SLC37A1: variants seen among roughly 807,000 people sequenced by gnomAD.
SLC37A1 encodes the protein solute carrier family 37 member 1.
In SLC37A1, 49 loss-of-function variants were observed where a neutral mutation model predicts 75.3. The ratio of observed to expected loss-of-function variants is 0.65; its 90% CI spans 0.52 to 0.83. The LOEUF (loss-of-function observed/expected upper bound fraction) is 0.83, where lower values mean the gene tolerates loss of function less well. SLC37A1 is among the 40% of genes least tolerant of loss of function. SLC37A1 has a pLI of 0.00. For synonymous variants in SLC37A1, 268 were observed against 292.1 expected (o/e 0.92, Z 0.84); for missense variants, 566 against 695.0 (o/e 0.81, Z 2.09).
intron 11 of SLC37A1, among the ~76,000 whole-genome samples, chr21:42,559,653 A>G (rs1019854887): frequency 3.3e-5 from 5 of 152,246 alleles, no homozygotes; most frequent in African/African-American, 1.2e-4. Flanking sequence ...AGGCAGGCAG[A>G]TCACCTGAGG....
At chr21:42,571,288 G>A (rs533584760) in intron 17 of SLC37A1, among the ~76,000 whole-genome samples, 2 of 152,214 alleles carry the variant, frequency 1.3e-5, no homozygotes, top group African/African-American at 2.4e-5. Context: ...ATGACTAATC[G>A]TAAATCACCC....
At chr21:42,561,452 G>A (rs1337757823) in intron 11 of SLC37A1, 1 of 155,366 alleles carries the variant, frequency 6.4e-6, no homozygotes, top group Non-Finnish European at 1.4e-5. Flanking sequence ...GGATGCGGTA[G>A]CCTGTACGCC....
chr21:42,560,782 T>C (rs2055810063), intron 11 of SLC37A1, among the ~76,000 whole-genome samples: 1 of 152,234 alleles, frequency 6.6e-6, no homozygotes, highest in Non-Finnish European at 1.5e-5. Context: ...GCTAGTGACC[T>C]TTTCTGCTGT....
Position 42,552,719 on chromosome 21 carries a change from A to G in SLC37A1, c.769-1343A>G, listed in dbSNP as rs1368904885. On this transcript the variant is annotated intron_variant, in intron 9 of 19. Transcript: ENST00000352133. This position sits in a 1 kb window ranked among gnomAD's most constrained non-coding sequence, Gnocchi z 4.2. ...GCATTTCCTAACATCATTTCTGCTT[A>G]GCTGACCACATCAAGCTGAAAAGGA... is the stretch of plus-strand genomic sequence containing the variant. Among the ~76,000 whole-genome samples the G allele has an allele frequency of 6.6e-6, 1 of 152,216 alleles. No homozygotes were observed. The highest frequency in any genetic ancestry group is 1.5e-5 in the Non-Finnish European group (1 of 68,048).
rs143204768 is a variant in SLC37A1, at chr21:42,566,326, C to T, written c.1270+451C>T. ...CTGGCGGTGTGACCTGAACAGGGTC[C>T]GGCCAGGAGCCAGGGCAGGTGGCCC... On this transcript the variant is annotated intron_variant, in intron 15 of 19. Transcript: ENST00000352133. 9.4e-3 allele frequency among the ~76,000 whole-genome samples: 1,436 copies of T among 152,356 alleles called. 8 individuals are homozygous for T. Among genetic ancestry groups the T allele is most frequent in the Non-Finnish European group, 0.014 (948 of 68,028 alleles).
upstream of SLC37A1, among the ~76,000 whole-genome samples, chr21:42,513,076 T>C (rs999165028): frequency 2.0e-5 from 3 of 152,230 alleles, no homozygotes; most frequent in African/African-American, 7.2e-5. Context: ...TGCCTCACTT[T>C]GCTCTTCCCC....
intron 2 of SLC37A1, among the ~76,000 whole-genome samples, chr21:42,522,670 G>T (rs577594598): frequency 1.3e-5 from 2 of 152,212 alleles, no homozygotes; most frequent in Non-Finnish European, 2.9e-5. Flanking sequence ...TAAATACAGC[G>T]TTTTCCTCTT....
Position 42,548,017 on chromosome 21 carries a change from T to C in SLC37A1, c.768+877T>C, listed in dbSNP as rs1453789303. The stretch of plus-strand genomic sequence containing the variant: ...GGCCCGTCGCCCGCGTCTGACCCAA[T>C]GCTTCCCTCCCTCTGGGGGTCAGCT... On this transcript the variant is annotated intron_variant, in intron 9 of 19. Coordinates refer to ENST00000352133, the MANE Select transcript of SLC37A1 (RefSeq NM_001320537.2). This position sits in a 1 kb window ranked among gnomAD's most constrained non-coding sequence, Gnocchi z 5.6. 6.6e-6 allele frequency among the ~76,000 whole-genome samples: 1 copy of C among 152,084 alleles called. No individual in the cohort carries two copies. The highest frequency in any genetic ancestry group is 1.5e-5 in the Non-Finnish European group (1 of 68,008).
At chr21:42,526,350 C>T (rs1325680756) in intron 3 of SLC37A1, among the ~76,000 whole-genome samples, 1 of 152,160 alleles carries the variant, frequency 6.6e-6, no homozygotes, top group Admixed American at 6.5e-5. Context: ...TACATAATCA[C>T]CAGTTATAAC....
intron 17 of SLC37A1, among the ~76,000 whole-genome samples, chr21:42,573,562 A>G (rs2056239162): frequency 6.6e-6 from 1 of 152,092 alleles, no homozygotes; most frequent in South Asian, 2.1e-4. Flanking sequence ...GGGTGTGGAG[A>G]TAACACATGA....
Position 42,552,550 on chromosome 21 carries a change from T to C in SLC37A1, c.769-1512T>C, listed in dbSNP as rs1414047189. Among the ~76,000 whole-genome samples the C allele has an allele frequency of 6.6e-6, 1 of 152,204 alleles. No homozygotes were observed. The highest frequency in any genetic ancestry group is 1.5e-5 in the Non-Finnish European group (1 of 68,032). ...AGAACAGTGCCAGGCACAGAGTTGA[T>C]GCTTAATAATTATTTGTTGAATGAG... On this transcript the variant is annotated intron_variant, in intron 9 of 19. Transcript: ENST00000352133. This position sits in a 1 kb window ranked among gnomAD's most constrained non-coding sequence, Gnocchi z 4.2.
At chr21:42,551,200 T>C (rs73905688) in intron 9 of SLC37A1, among the ~76,000 whole-genome samples, 20,801 of 152,250 alleles carry the variant, frequency 0.14, 2,081 homozygotes, top group African/African-American at 0.29. Flanking sequence ...AGTGAATTAA[T>C]AAGTTAGCAA....
chr21:42,519,515 T>C (rs1164615445), intron 2 of SLC37A1, among the ~76,000 whole-genome samples: 3 of 152,226 alleles, frequency 2.0e-5, no homozygotes, highest in Non-Finnish European at 4.4e-5. Flanking sequence ...TTTGGGGAAC[T>C]CTGCTTTTCA....
chr21:42,574,712 TC>T (rs2056267974), intron 17 of SLC37A1, 105 bp from the exon 18 acceptor site: 2 of 1,044,726 alleles, frequency 1.9e-6, no homozygotes, highest in Non-Finnish European at 2.8e-6. Flanking sequence ...CCATATGTGT[TC>T]CTTTCATTGT....
intron 18 of SLC37A1, among the ~76,000 whole-genome samples, chr21:42,578,557 A>G (rs777929346): frequency 6.6e-6 from 1 of 152,214 alleles, no homozygotes; most frequent in Non-Finnish European, 1.5e-5. Context: ...CTGTGCCGGT[A>G]GTTGGAGCTA....
At chr21:42,554,918 A>T (rs1284151977) in intron 10 of SLC37A1, among the ~76,000 whole-genome samples, 1 of 151,514 alleles carries the variant, frequency 6.6e-6, no homozygotes, top group Non-Finnish European at 1.5e-5. Context: ...ATTTGAGTTT[A>T]ATCATTGAAG....
chr21:42,578,654 C>T (rs749025638), intron 18 of SLC37A1, among the ~76,000 whole-genome samples: 57 of 152,208 alleles, frequency 3.7e-4, no homozygotes, highest in Admixed American at 1.2e-3. Flanking sequence ...CGTGTTCCCA[C>T]GACCTTTACC....
rs1205680655 is a variant in SLC37A1, at chr21:42,547,475, G to A, written c.768+335G>A. On this transcript the variant is annotated intron_variant, in intron 9 of 19. Transcript: ENST00000352133. This position sits in a 1 kb window ranked among gnomAD's most constrained non-coding sequence, Gnocchi z 6.1. ...CTCAGTGTGACGGGGAAAAACGCAC[G>A]TGTCAGCTGCCTGCCATCACTTAAG... is the stretch of plus-strand genomic sequence containing the variant. 3 of 270,784 alleles carry A rather than the reference G, an allele frequency of 1.1e-5. No homozygotes were observed. Among genetic ancestry groups the A allele is most frequent in the Non-Finnish European group, 2.1e-5 (3 of 142,000 alleles). 16.8% of individuals were successfully genotyped at this position (270,784 alleles called of 1,614,324 possible).
At chr21:42,538,777 A>AC (rs1289328302) in intron 5 of SLC37A1, among the ~76,000 whole-genome samples, 2 of 151,690 alleles carry the variant, frequency 1.3e-5, no homozygotes, top group East Asian at 1.9e-4. Context: ...ACTTTTTACC[A>AC]CCCCCCTCGA....
Sources: gnomAD v4.1 joint callset for allele counts (sites outside exome capture counted in the v4.1 genomes callset) on GRCh38, gnomAD v4.1.1 for gene constraint, Gnocchi (gnomAD v3.1) non-coding constraint, MANE v1.5 for transcripts, NCBI Gene and HGNC (gene_info 2026-07-23, HGNC 2026-07-21) for gene names.